Variants in AGBL4 observed in about 807,000 individuals in gnomAD.
AGBL4 encodes the protein cytosolic carboxypeptidase 6.
AGBL4 carries 58 observed loss-of-function variants against 66.4 expected under a neutral mutation model. The ratio of observed to expected loss-of-function variants is 0.87; its 90% CI spans 0.71 to 1.09. The LOEUF (loss-of-function observed/expected upper bound fraction) is 1.09. Among genes scored for constraint, AGBL4 ranks in the 50% least tolerant of loss-of-function variants. The pLI is 0.00. For synonymous variants in AGBL4, 234 were observed against 222.9 expected (o/e 1.05, Z -0.44); for missense variants, 579 against 631.0 (o/e 0.92, Z 0.88).
At chr1:49,388,573 C>T (rs1033844595) in intron 3 of AGBL4, among the ~76,000 whole-genome samples, 1 of 152,130 alleles carries the variant, frequency 6.6e-6, no homozygotes, top group Non-Finnish European at 1.5e-5. Flanking sequence ...ATCCAGCACT[C>T]AATACTTCAA....
At chr1:48,766,852 T>C (rs1223218198) in intron 6 of AGBL4, among the ~76,000 whole-genome samples, 3 of 152,180 alleles carry the variant, frequency 2.0e-5, no homozygotes, top group African/African-American at 7.2e-5. Context: ...CAGTGAACAT[T>C]TACTGTTCCT....
intron 3 of AGBL4, among the ~76,000 whole-genome samples, chr1:49,334,373 A>G (rs575414071): frequency 1.3e-5 from 2 of 152,300 alleles, no homozygotes; most frequent in South Asian, 4.1e-4. Context: ...GACAATTTAC[A>G]TCCTTGAAAA....
At chr1:49,747,912 A>AGAAACAGAACCAAT (rs1553256180) in intron 2 of AGBL4, among the ~76,000 whole-genome samples, 3 of 151,310 alleles carry the variant, frequency 2.0e-5, no homozygotes, top group Non-Finnish European at 4.4e-5. Flanking sequence ...GGTTATCCAA[A>AGAAACAGAACCAAT]GAAACAGAAC....
chr1:49,431,861 C>A (rs1396278312), intron 3 of AGBL4, among the ~76,000 whole-genome samples: 2 of 151,994 alleles, frequency 1.3e-5, no homozygotes, highest in Non-Finnish European at 2.9e-5. Context: ...CAGGCCAGGT[C>A]TCACTAATAC....
intron 4 of AGBL4, among the ~76,000 whole-genome samples, chr1:49,047,508 T>C (rs1394262838): frequency 6.6e-6 from 1 of 152,144 alleles, no homozygotes; most frequent in Non-Finnish European, 1.5e-5. Context: ...ACAAATCTTA[T>C]AGGCACTCCT....
intron 2 of AGBL4, among the ~76,000 whole-genome samples, chr1:49,816,501 A>G (rs1645235169): frequency 1.3e-5 from 2 of 152,132 alleles, no homozygotes; most frequent in Admixed American, 1.3e-4. Flanking sequence ...AAAAATGAAA[A>G]GTAGATATGA....
chr1:49,708,117 C>T (rs528637695), intron 2 of AGBL4, among the ~76,000 whole-genome samples: 5 of 152,206 alleles, frequency 3.3e-5, no homozygotes, highest in African/African-American at 7.2e-5. Flanking sequence ...AGGTTGGGGA[C>T]GTTCTCCTGG....
chr1:50,020,237 C>A (rs1662342790), intron 1 of AGBL4, among the ~76,000 whole-genome samples: 1 of 151,912 alleles, frequency 6.6e-6, no homozygotes, highest in Admixed American at 6.6e-5. Context: ...AACAGAATTT[C>A]TTATACTCAT....
chr1:49,529,913 G>A (rs991568026), intron 3 of AGBL4, among the ~76,000 whole-genome samples: 3 of 151,820 alleles, frequency 2.0e-5, no homozygotes, highest in Non-Finnish European at 4.4e-5. Flanking sequence ...GCGGGGGTAA[G>A]AGAAGAAACT....
chr1:49,207,853 G>A (rs770017450), intron 4 of AGBL4, among the ~76,000 whole-genome samples: 10 of 151,882 alleles, frequency 6.6e-5, no homozygotes, highest in Non-Finnish European at 1.0e-4. Flanking sequence ...CTCCCAAAGT[G>A]CTGAGTTACT....
intron 5 of AGBL4, among the ~76,000 whole-genome samples, chr1:49,020,382 T>G (rs1571246644): frequency 1.3e-5 from 2 of 152,344 alleles, no homozygotes; most frequent in Admixed American, 1.3e-4. Flanking sequence ...GAAGCCATCC[T>G]GTGGTACCCT....
intron 3 of AGBL4, among the ~76,000 whole-genome samples, chr1:49,566,065 T>C (rs1031375919): frequency 1.3e-5 from 2 of 152,250 alleles, no homozygotes; most frequent in African/African-American, 4.8e-5. Context: ...CTTCCATCGC[T>C]GATACCCTTT....
At chr1:48,729,993 A>T (rs918945322) in intron 6 of AGBL4, among the ~76,000 whole-genome samples, 2 of 152,014 alleles carry the variant, frequency 1.3e-5, no homozygotes, top group African/African-American at 4.8e-5. Flanking sequence ...GACCTTGCTC[A>T]TCTCTGCTTA....
chr1:49,645,371 TGAC>T (rs563717592), intron 3 of AGBL4, among the ~76,000 whole-genome samples: 27 of 148,496 alleles, frequency 1.8e-4, no homozygotes, highest in African/African-American at 6.6e-4. Context: ...ATGAGAAAGA[TGAC>T]AACACTATAG....
chr1:49,654,708 G>T (rs988269895), intron 3 of AGBL4, among the ~76,000 whole-genome samples: 2 of 152,018 alleles, frequency 1.3e-5, no homozygotes, highest in African/African-American at 4.8e-5. Context: ...GATCTTTGTT[G>T]GTTTAAAGTC....
intron 4 of AGBL4, among the ~76,000 whole-genome samples, chr1:49,234,212 G>GGAC (rs1446185830): frequency 6.6e-6 from 1 of 152,062 alleles, no homozygotes; most frequent in East Asian, 1.9e-4. Context: ...GCAGGCACTG[G>GGAC]GACACGAAAA....
intron 1 of AGBL4, among the ~76,000 whole-genome samples, chr1:49,916,543 A>G (rs949913580): frequency 1.3e-5 from 2 of 152,202 alleles, no homozygotes; most frequent in Non-Finnish European, 2.9e-5. Flanking sequence ...AAAAAAGAGT[A>G]AAAAGAAAAG....
At chr1:49,340,629 G>A (rs181534083) in intron 3 of AGBL4, among the ~76,000 whole-genome samples, 54 of 152,220 alleles carry the variant, frequency 3.5e-4, no homozygotes, top group Admixed American at 2.6e-3. Context: ...AAGGGCACTA[G>A]AGTAATCTTA....
intron 1 of AGBL4, among the ~76,000 whole-genome samples, chr1:49,900,315 G>A (rs970153363): frequency 5.9e-5 from 9 of 151,524 alleles, no homozygotes; most frequent in East Asian, 1.9e-4. Flanking sequence ...GCGCAGTCTC[G>A]GCTCACCACA....
Sources: gnomAD v4.1 joint callset for allele counts (sites outside exome capture counted in the v4.1 genomes callset) on GRCh38, gnomAD v4.1.1 for gene constraint, MANE v1.5 for transcripts, NCBI Gene and HGNC (gene_info 2026-07-23, HGNC 2026-07-21) for gene names.